Variants in SCHIP1 observed in about 807,000 individuals in gnomAD.
SCHIP1 encodes schwannomin interacting protein 1, also known as schwannomin-interacting protein 1.
SCHIP1 carries 8 observed loss-of-function variants against 29.7 expected under a neutral mutation model. The ratio of observed to expected loss-of-function variants is 0.27; its 90% CI spans 0.16 to 0.49. SCHIP1 has a LOEUF of 0.49. Among genes scored for constraint, SCHIP1 ranks in the 20% least tolerant of loss-of-function variants. SCHIP1 has a pLI of 0.99. For synonymous variants in SCHIP1, 76 were observed against 94.9 expected, an observed-to-expected ratio of 0.80 and a Z score of 1.16; for missense variants, 193 against 294.6, an observed-to-expected ratio of 0.66 and a Z score of 2.52.
the SCHIP1 span, among the ~76,000 whole-genome samples, chr3:159,351,971 A>G: frequency 6.6e-6 from 1 of 152,210 alleles, no homozygotes; most frequent in Admixed American, 6.5e-5. Context: ...CTGAGATGAT[A>G]ATTTTTTTAA....
the SCHIP1 span, among the ~76,000 whole-genome samples, chr3:159,517,247 C>A: frequency 2.0e-5 from 3 of 152,160 alleles, no homozygotes; most frequent in African/African-American, 7.2e-5. Flanking sequence ...GCAATAATCA[C>A]AAACTCTTTT....
the SCHIP1 span, among the ~76,000 whole-genome samples, chr3:159,334,845 T>C: frequency 6.6e-6 from 1 of 152,134 alleles, no homozygotes; most frequent in Non-Finnish European, 1.5e-5. Context: ...GATATAGACA[T>C]TCATGTACAG....
At chr3:159,488,518 G>C in the SCHIP1 span, among the ~76,000 whole-genome samples, 2 of 152,154 alleles carry the variant, frequency 1.3e-5, no homozygotes, top group Non-Finnish European at 2.9e-5. Flanking sequence ...GAAGTTGACA[G>C]AGGGGATGGG....
chr3:159,831,842 T>C, the SCHIP1 span, among the ~76,000 whole-genome samples: 1 of 152,210 alleles, frequency 6.6e-6, no homozygotes, highest in Non-Finnish European at 1.5e-5. Flanking sequence ...TTTCAAACCA[T>C]GGTTGACTAC....
At chr3:159,406,435 A>G in the SCHIP1 span, among the ~76,000 whole-genome samples, 1 of 152,238 alleles carries the variant, frequency 6.6e-6, no homozygotes, top group African/African-American at 2.4e-5. Flanking sequence ...CCAGACAAAC[A>G]AAAGCTGAGG....
At chr3:159,859,388 G>C (rs1713772776) in intron 1 of SCHIP1, among the ~76,000 whole-genome samples, 1 of 152,172 alleles carries the variant, frequency 6.6e-6, no homozygotes. Flanking sequence ...TAATGTTTAA[G>C]AGCTTCAGAC....
the SCHIP1 span, among the ~76,000 whole-genome samples, chr3:159,495,631 T>A: frequency 6.6e-6 from 1 of 152,108 alleles, no homozygotes; most frequent in Non-Finnish European, 1.5e-5. Flanking sequence ...TGGAAGAACA[T>A]TCCATGCTCA....
chr3:159,307,441 GC>G, the SCHIP1 span, among the ~76,000 whole-genome samples: 3 of 152,182 alleles, frequency 2.0e-5, no homozygotes, highest in African/African-American at 4.8e-5. Flanking sequence ...TAGTACATAT[GC>G]ATAGGAGCAA....
At chr3:159,786,666 C>CGTGTGT in the SCHIP1 span, among the ~76,000 whole-genome samples, 6 of 124,880 alleles carry the variant, frequency 4.8e-5, no homozygotes, top group African/African-American at 8.3e-5. Flanking sequence ...TGAGTCAAAG[C>CGTGTGT]GTGTGTGTGT....
At chr3:159,523,314 A>G in the SCHIP1 span, among the ~76,000 whole-genome samples, 4 of 152,334 alleles carry the variant, frequency 2.6e-5, no homozygotes, top group South Asian at 8.3e-4. Flanking sequence ...GTTTTTAAAA[A>G]TCAAGTTTCA....
chr3:159,538,872 T>G, the SCHIP1 span, among the ~76,000 whole-genome samples: 2 of 152,306 alleles, frequency 1.3e-5, no homozygotes, highest in East Asian at 3.9e-4. Flanking sequence ...ATATTATATT[T>G]GTCTTTCTTT....
chr3:159,449,987 G>A, the SCHIP1 span, among the ~76,000 whole-genome samples: 13 of 152,064 alleles, frequency 8.5e-5, no homozygotes, highest in African/African-American at 2.4e-4. Context: ...AAAGAGAGGG[G>A]AGAGAAGGAG....
At chr3:159,596,029 G>C in the SCHIP1 span, among the ~76,000 whole-genome samples, 1 of 152,160 alleles carries the variant, frequency 6.6e-6, no homozygotes, top group African/African-American at 2.4e-5. Flanking sequence ...TACAGAATGG[G>C]AGAAATTTTT....
chr3:159,445,518 C>G, the SCHIP1 span, among the ~76,000 whole-genome samples: 3 of 151,954 alleles, frequency 2.0e-5, no homozygotes, highest in Non-Finnish European at 2.9e-5. Context: ...CCAGCCATCC[C>G]ATTACTGGGT....
the SCHIP1 span, among the ~76,000 whole-genome samples, chr3:159,802,066 G>T: frequency 1.3e-5 from 2 of 152,106 alleles, no homozygotes; most frequent in African/African-American, 4.8e-5. Context: ...CAGGTCTATG[G>T]ACTTAAAATC....
the SCHIP1 span, among the ~76,000 whole-genome samples, chr3:159,303,260 A>C: frequency 6.6e-6 from 1 of 152,002 alleles, no homozygotes; most frequent in Non-Finnish European, 1.5e-5. Context: ...AGGAGATGAA[A>C]GTATCATTTA....
chr3:159,691,416 C>CTTTTTTTTTTT, the SCHIP1 span, among the ~76,000 whole-genome samples: 2 of 106,696 alleles, frequency 1.9e-5, no homozygotes, highest in Non-Finnish European at 3.8e-5. Context: ...GCAACCCCTG[C>CTTTTTTTTTTT]TTTTTTTTTT....
the SCHIP1 span, among the ~76,000 whole-genome samples, chr3:159,423,896 G>A: frequency 3.3e-5 from 5 of 152,012 alleles, no homozygotes; most frequent in African/African-American, 1.2e-4. Flanking sequence ...AGCATTCGTG[G>A]TTCATGAAAA....
chr3:159,734,949 C>T, the SCHIP1 span, among the ~76,000 whole-genome samples: 1 of 152,176 alleles, frequency 6.6e-6, no homozygotes, highest in Non-Finnish European at 1.5e-5. Flanking sequence ...GCCCAACTCA[C>T]TGGGAAACCC....
Sources: allele counts gnomAD v4.1 joint callset (sites outside exome capture counted in the v4.1 genomes callset), GRCh38; gene constraint gnomAD v4.1.1; transcripts MANE v1.5; gene names NCBI Gene and HGNC (gene_info 2026-07-23, HGNC 2026-07-21).